LOXHD1: variants seen among roughly 807,000 people sequenced by gnomAD.
LOXHD1 encodes the protein lipoxygenase homology domain-containing protein 1.
LOXHD1 carries 205 observed loss-of-function variants against 248.2 expected under a neutral mutation model. The observed-to-expected ratio is 0.83, with a 90% CI of 0.74 to 0.93. The LOEUF is 0.93. Ranked by LOEUF, LOXHD1 falls within the 40% of genes least tolerant of loss-of-function variation. The pLI is 0.00. For missense variants in LOXHD1, 2,930 were observed against 2,971.6 expected (o/e 0.99, Z 0.33); for synonymous variants, 1,113 against 1,162.8 (o/e 0.96, Z 0.87).
At chr18:46,564,645 G>A (rs190399915) in intron 17 of LOXHD1, among the ~76,000 whole-genome samples, 1,858 of 152,306 alleles carry the variant, frequency 0.012, 23 homozygotes, top group Middle Eastern at 0.058. Context: ...GTTGGGGTAA[G>A]GGGAAGAGGT....
intron 4 of LOXHD1, among the ~76,000 whole-genome samples, chr18:46,631,192 C>T (rs930260114): frequency 3.3e-5 from 5 of 152,140 alleles, no homozygotes; most frequent in Non-Finnish European, 7.3e-5. Context: ...GCAGTGTTAC[C>T]CTCAGAGCAA....
chr18:46,506,128 T>A, intron 36 of LOXHD1, 105 bp from the exon 37 acceptor site: 1 of 1,269,392 alleles, frequency 7.9e-7, no homozygotes. Context: ...GGGGTACAGG[T>A]GGACAGAGTA....
At chr18:46,647,490 C>T (rs1467070496) in intron 2 of LOXHD1, among the ~76,000 whole-genome samples, 1 of 152,222 alleles carries the variant, frequency 6.6e-6, no homozygotes, top group South Asian at 2.1e-4. Context: ...ACTTCAGAAA[C>T]CAACCGGGCG....
In LOXHD1 at chr18:46,502,487, A is replaced by G. The variant is rs548461214; in HGVS notation, c.5878+3351T>C. ...TTTTATTGATGTGAATTGGGGTTGG[A>G]ATGCATAGTAATCTGGACCATCTTG... On this transcript the variant is annotated intron_variant, in intron 37 of 40. Transcript: ENST00000642948. 9.9e-5 allele frequency among the ~76,000 whole-genome samples: 15 copies of G among 152,266 alleles called. No individual in the cohort carries two copies. In the South Asian group the frequency reaches 3.1e-3, roughly 32 times the overall value.
intron 21 of LOXHD1, among the ~76,000 whole-genome samples, chr18:46,554,055 G>T (rs574590794): frequency 3.9e-5 from 6 of 152,232 alleles, no homozygotes; most frequent in African/African-American, 1.4e-4. Context: ...GTGACCAGGA[G>T]CTTCTGCAGG....
At chr18:46,549,565 A>G (rs1215492601) in intron 21 of LOXHD1, among the ~76,000 whole-genome samples, 1 of 152,182 alleles carries the variant, frequency 6.6e-6, no homozygotes, top group Non-Finnish European at 1.5e-5. Flanking sequence ...ATTAAACTGT[A>G]CCACCCAGAA....
intron 4 of LOXHD1, among the ~76,000 whole-genome samples, chr18:46,628,166 C>G (rs1599060567): frequency 6.6e-6 from 1 of 152,226 alleles, no homozygotes; most frequent in East Asian, 1.9e-4. Context: ...CCATTTTCTC[C>G]TCTCTGAAAT....
intron 37 of LOXHD1, among the ~76,000 whole-genome samples, chr18:46,489,879 A>G (rs1446421374): frequency 2.0e-5 from 3 of 152,228 alleles, no homozygotes; most frequent in African/African-American, 7.2e-5. Flanking sequence ...TTAATGTGTC[A>G]TGACTTGGCT....
At chr18:46,618,379 T>C in intron 4 of LOXHD1, 89 bp from the exon 5 acceptor site, 1 of 823,646 alleles carries the variant, frequency 1.2e-6, no homozygotes, top group South Asian at 1.5e-5. Context: ...CCATCTACAC[T>C]TACCCCCAGC....
intron 34 of LOXHD1, among the ~76,000 whole-genome samples, chr18:46,516,844 A>G (rs1184752857): frequency 2.0e-5 from 3 of 152,096 alleles, no homozygotes; most frequent in African/African-American, 2.4e-5. Flanking sequence ...CATCATCAAC[A>G]TCATCATCCC....
chr18:46,601,329 C>T lies in LOXHD1; in HGVS notation c.1022G>A (p.Arg341Gln), dbSNP rs1195797058. 10 of 1,551,542 alleles carry T rather than the reference C, an allele frequency of 6.4e-6. No individual in the cohort carries two copies. Among genetic ancestry groups the T allele is most frequent in the Non-Finnish European group, 8.7e-6 (10 of 1,146,992 alleles). The stretch of plus-strand genomic sequence containing the variant: ...GATGTGGAAGATGTCCGTGCGGCCT[C>T]GGTCAAACACGCCGCCCTCCAGGAA... ...KIFLEGGVFD[R>Q]GRTDIFHIEL... is the part of the protein sequence containing the mutation. Residue 341 changes from arginine to glutamine, a missense_variant, in exon 8 of 41, where the codon CGA (arginine) becomes CAA (glutamine). Coordinates refer to ENST00000642948, the MANE Select transcript of LOXHD1 (RefSeq NM_001384474.1).
intron 37 of LOXHD1, among the ~76,000 whole-genome samples, chr18:46,504,730 C>G (rs1483240622): frequency 6.6e-6 from 1 of 152,184 alleles, no homozygotes; most frequent in Non-Finnish European, 1.5e-5. Flanking sequence ...ATAGGCTAGT[C>G]CTCCGCAGGG....
chr18:46,614,269 T>G (rs62097133), intron 5 of LOXHD1, among the ~76,000 whole-genome samples: 1 of 152,196 alleles, frequency 6.6e-6, no homozygotes, highest in Non-Finnish European at 1.5e-5. Flanking sequence ...CACATGCACA[T>G]GTATGTTTAT....
At chr18:46,593,508 C>G in intron 10 of LOXHD1, 92 bp downstream of exon 10, 11 of 1,446,114 alleles carry the variant, frequency 7.6e-6, no homozygotes, top group Non-Finnish European at 9.3e-6. Context: ...AAACTTGGTC[C>G]AAAACCTGGC....
intron 5 of LOXHD1, among the ~76,000 whole-genome samples, chr18:46,617,604 T>A (rs575058118): frequency 1.4e-4 from 21 of 152,004 alleles, no homozygotes; most frequent in Non-Finnish European, 2.5e-4. Context: ...TGTTACAAAA[T>A]TCACATGTCT....
intron 12 of LOXHD1, among the ~76,000 whole-genome samples, chr18:46,591,079 G>A (rs1398314764): frequency 6.6e-6 from 1 of 152,148 alleles, no homozygotes; most frequent in Non-Finnish European, 1.5e-5. Context: ...CAAATGCAGT[G>A]TTTATAAATA....
intron 38 of LOXHD1, 26 bp downstream of exon 38, chr18:46,488,946 C>G: frequency 6.5e-7 from 1 of 1,544,448 alleles, no homozygotes; most frequent in Non-Finnish European, 8.8e-7. Context: ...TGCCTCCCTC[C>G]TGAGCCAATG....
chr18:46,584,501 AT>A, intron 12 of LOXHD1, among the ~76,000 whole-genome samples: 1 of 152,280 alleles, frequency 6.6e-6, no homozygotes, highest in Admixed American at 6.5e-5. Flanking sequence ...TACTCCATAA[AT>A]ACATACAATT....
At chr18:46,576,061 C>G (rs1399078597) in intron 14 of LOXHD1, among the ~76,000 whole-genome samples, 1 of 152,200 alleles carries the variant, frequency 6.6e-6, no homozygotes, top group Non-Finnish European at 1.5e-5. Flanking sequence ...CCGGCTCCAG[C>G]CCCTGCACCG....
Sources: gnomAD v4.1 joint callset for allele counts (sites outside exome capture counted in the v4.1 genomes callset) on GRCh38, gnomAD v4.1.1 for gene constraint, MANE v1.5 for transcripts, NCBI Gene and HGNC (gene_info 2026-07-23, HGNC 2026-07-21) for gene names.